DMD: variants seen among roughly 807,000 people sequenced by gnomAD.
DMD encodes dystrophin, also known as mutant dystrophin.
A neutral mutation model predicts 330.1 loss-of-function variants in DMD; 63 were observed. That is an observed-to-expected ratio of 0.19 (90% CI 0.16 to 0.24). DMD has a LOEUF of 0.24. Ranked by LOEUF, DMD falls within the 10% of genes least tolerant of loss-of-function variation. The probability of loss-of-function intolerance (pLI) is 1.00; values close to 1 mark genes in which losing one functional copy is unlikely to be tolerated. For synonymous variants in DMD, 1,223 were observed against 959.8 expected (o/e 1.27, Z -5.07); for missense variants, 3,344 against 2,684.1 (o/e 1.25, Z -5.43).
intron 1 of DMD, among the ~76,000 whole-genome samples, chrX:33,165,687 C>T (rs766979588): frequency 2.7e-5 from 3 of 111,203 alleles, no homozygotes; most frequent in East Asian, 2.8e-4. Context: ...GTGTTTTTTC[C>T]GCAGTTGCTT....
rs755441871 is a variant in DMD, at chrX:32,859,581, A to G, written c.94-9761T>C. Among the ~76,000 whole-genome samples the G allele has an allele frequency of 5.4e-5, 6 of 110,819 alleles. No homozygotes were observed. In the South Asian group the frequency reaches 1.2e-3, roughly 21 times the overall value. The stretch of plus-strand genomic sequence containing the variant: ...GCAGAATACATGTAAAATGTTTTCT[A>G]TTAGTTTGGCATCCCTGTGGGAGTG... On this transcript the variant is annotated intron_variant, in intron 2 of 78. Transcript: ENST00000357033.
chrX:32,608,374 T>G (rs1247210503), intron 12 of DMD, among the ~76,000 whole-genome samples: 5 of 110,594 alleles, frequency 4.5e-5, no homozygotes, highest in Non-Finnish European at 9.6e-5. Context: ...ATGTTCTTTT[T>G]TACATAAACT....
intron 7 of DMD, among the ~76,000 whole-genome samples, chrX:32,725,546 C>G (rs2066779250): frequency 9.1e-6 from 1 of 110,209 alleles, no homozygotes; most frequent in South Asian, 3.8e-4. Context: ...CAAAAAAGGT[C>G]ATTATATAAT....
At chrX:32,434,203 T>C (rs1435115755) in intron 29 of DMD, among the ~76,000 whole-genome samples, 1 of 111,937 alleles carries the variant, frequency 8.9e-6, no homozygotes, top group African/African-American at 3.2e-5. Flanking sequence ...GTAGGTGATA[T>C]AAAAACCTCA....
intron 2 of DMD, among the ~76,000 whole-genome samples, chrX:32,975,522 T>C (rs2092524129): frequency 9.1e-6 from 1 of 109,364 alleles, no homozygotes; most frequent in African/African-American, 3.3e-5. Flanking sequence ...TGATTTTGTT[T>C]AGAAGTAGCA....
intron 48 of DMD, among the ~76,000 whole-genome samples, chrX:31,837,739 T>G (rs187462660): frequency 8.9e-6 from 1 of 111,754 alleles, no homozygotes; most frequent in Non-Finnish European, 1.9e-5. Context: ...TGCCACTGTT[T>G]CCTTCGTATA....
At position 31,875,136 on chromosome X, in the gene DMD, T is replaced by C. The variant is rs186199095; in HGVS notation, c.7098+52A>G. 4.8e-4 allele frequency: 488 copies of C among 1,013,351 alleles called. 4 individuals are homozygous for C. The African/African-American group carries it at 8.6e-3, about 18-fold the overall frequency. 83.5% of individuals were successfully genotyped at this position (1,013,351 alleles called of 1,213,427 possible). On this transcript the variant is annotated intron_variant, in intron 48 of 78. Transcript: ENST00000357033. ...TACCAAATGAGAAAATTCAGTGATA[T>C]TGCCATTTTTCTTAAAAAAGACAAA...
intron 2 of DMD, among the ~76,000 whole-genome samples, chrX:32,982,115 C>A (rs2147229578): frequency 8.9e-6 from 1 of 111,940 alleles, no homozygotes; most frequent in South Asian, 3.7e-4. Flanking sequence ...CTAGCAACAA[C>A]ACACAAAGCA....
At chrX:31,782,375 C>T (rs2091058893) in intron 50 of DMD, among the ~76,000 whole-genome samples, 2 of 111,100 alleles carry the variant, frequency 1.8e-5, no homozygotes, top group Admixed American at 1.9e-4. Flanking sequence ...AACTCTTCCA[C>T]CGCTATGGAA....
intron 17 of DMD, among the ~76,000 whole-genome samples, chrX:32,539,793 G>A (rs573340555): frequency 1.8e-5 from 2 of 111,527 alleles, no homozygotes; most frequent in South Asian, 7.5e-4. Flanking sequence ...AAACTGAAAA[G>A]TAGAATATAT....
intron 1 of DMD, among the ~76,000 whole-genome samples, chrX:33,036,207 T>C (rs6631722): frequency 0.072 from 8,038 of 111,443 alleles, 706 homozygotes; most frequent in African/African-American, 0.25. Context: ...ATTTATAAAT[T>C]AAATTTATGT....
intron 7 of DMD, among the ~76,000 whole-genome samples, chrX:32,731,074 C>G (rs1263517080): frequency 2.7e-5 from 3 of 111,850 alleles, no homozygotes; most frequent in East Asian, 2.8e-4. Context: ...CGACCCGAAG[C>G]AGGGTGAGGC....
intron 1 of DMD, among the ~76,000 whole-genome samples, chrX:33,209,840 C>T (rs1299992126): frequency 1.8e-5 from 2 of 109,955 alleles, no homozygotes; most frequent in Non-Finnish European, 3.8e-5. Context: ...ATTTACCTTG[C>T]TTAATTTCAG....
At chrX:31,961,504 T>G (rs2095302608) in intron 45 of DMD, among the ~76,000 whole-genome samples, 1 of 111,839 alleles carries the variant, frequency 8.9e-6, no homozygotes, top group African/African-American at 3.2e-5. Flanking sequence ...CTCATGAAGC[T>G]TTTAATCTTG....
At chrX:32,882,714 A>G (rs900269127) in intron 2 of DMD, among the ~76,000 whole-genome samples, 1 of 112,555 alleles carries the variant, frequency 8.9e-6, no homozygotes, top group African/African-American at 3.2e-5. Flanking sequence ...AACCATGGAC[A>G]GTTGAATCAA....
intron 74 of DMD, among the ~76,000 whole-genome samples, chrX:31,159,226 C>G (rs1388335793): frequency 2.6e-4 from 29 of 111,486 alleles, no homozygotes; most frequent in African/African-American, 8.8e-4. Context: ...ACCATGGAAA[C>G]AAACCTTACT....
chrX:31,156,918 A>G (rs1322792907), intron 74 of DMD, among the ~76,000 whole-genome samples: 1 of 111,498 alleles, frequency 9.0e-6, no homozygotes, highest in Non-Finnish European at 1.9e-5. Context: ...CCCTAGCCAC[A>G]TTGTAGCCAC....
At chrX:32,500,325 A>C (rs1195919893) in intron 19 of DMD, among the ~76,000 whole-genome samples, 3 of 111,754 alleles carry the variant, frequency 2.7e-5, no homozygotes, top group Non-Finnish European at 5.7e-5. Context: ...TGCCTCCAAA[A>C]ATTAGAACTA....
chrX:32,585,841 A>G (rs898281206), intron 13 of DMD, among the ~76,000 whole-genome samples: 2 of 109,462 alleles, frequency 1.8e-5, no homozygotes, highest in Non-Finnish European at 3.8e-5. Flanking sequence ...ATCATGAGAG[A>G]ATTTATTGTT....
Sources: gnomAD v4.1 joint callset for allele counts (sites outside exome capture counted in the v4.1 genomes callset) on GRCh38, gnomAD v4.1.1 for gene constraint, MANE v1.5 for transcripts, NCBI Gene and HGNC (gene_info 2026-07-23, HGNC 2026-07-21) for gene names.